CCDC7: variants seen among roughly 807,000 people sequenced by gnomAD.
CCDC7 encodes the protein coiled-coil domain containing 7.
In CCDC7, 183 loss-of-function variants were observed where a neutral mutation model predicts 196.9. The ratio of observed to expected loss-of-function variants is 0.93; its 90% confidence interval spans 0.82 to 1.05. The LOEUF (loss-of-function observed/expected upper bound fraction) is 1.05, where lower values mean the gene tolerates loss of function less well. Among genes scored for constraint, CCDC7 ranks in the 50% least tolerant of loss-of-function variants. CCDC7 has a pLI of 0.00. For missense variants in CCDC7, 1,540 were observed against 1,482.2 expected, an observed-to-expected ratio of 1.04 and a Z score of -0.64; for synonymous variants, 525 against 484.6, an observed-to-expected ratio of 1.08 and a Z score of -1.10.
chr10:32,686,082 TA>T lies in CCDC7; in HGVS notation c.2233+4del. ...CTTCTACAGAGCAACCACTCACCAG[TA>T]AGTATAAAAATTACACATAACTTTA... On this transcript the variant is annotated splice_donor_region_variant and intron_variant, in intron 22 of 41. Transcript: ENST00000639629. 1 of 1,350,796 alleles carries T rather than the reference TA, an allele frequency of 7.4e-7. No individual in the cohort carries two copies. Among genetic ancestry groups the T allele is most frequent in the Non-Finnish European group, 1.0e-6 (1 of 969,950 alleles). The allele number at this position is 1,350,796 out of a possible 1,614,324, so 83.7% of individuals were successfully genotyped here.
intron 20 of CCDC7, among the ~76,000 whole-genome samples, chr10:32,636,414 T>A (rs1290741774): frequency 6.6e-6 from 1 of 152,178 alleles, no homozygotes; most frequent in Non-Finnish European, 1.5e-5. Context: ...TTGTGTGATG[T>A]TCCCCTTCCT....
intron 28 of CCDC7, among the ~76,000 whole-genome samples, chr10:32,740,264 G>T (rs894222683): frequency 6.6e-6 from 1 of 152,068 alleles, no homozygotes. Flanking sequence ...TCCCTTGAGT[G>T]TAGTCTTTTG....
chr10:32,847,983 T>A, intron 38 of CCDC7, 67 bp downstream of exon 39: 1 of 971,192 alleles, frequency 1.0e-6, no homozygotes, highest in Non-Finnish European at 1.6e-6. Flanking sequence ...TATGAATCTT[T>A]AATGATAACA....
chr10:32,673,667 G>GTA (rs1334029954), intron 21 of CCDC7, among the ~76,000 whole-genome samples: 1 of 151,050 alleles, frequency 6.6e-6, no homozygotes, highest in Non-Finnish European at 1.5e-5. Flanking sequence ...GTGTGTGTGT[G>GTA]TGTGTGTGTG....
chr10:32,702,426 T>C (rs948967266), intron 24 of CCDC7, among the ~76,000 whole-genome samples: 1 of 152,138 alleles, frequency 6.6e-6, no homozygotes, highest in Non-Finnish European at 1.5e-5. Context: ...TGCTGAGGAG[T>C]GCTTTACTTC....
chr10:32,496,268 C>T (rs2042902480), intron 9 of CCDC7, among the ~76,000 whole-genome samples: 1 of 152,126 alleles, frequency 6.6e-6, no homozygotes, highest in African/African-American at 2.4e-5. Flanking sequence ...AATTGCTCAG[C>T]TTAAGGAGAT....
upstream of CCDC7, chr10:32,451,634 A>C (rs1300273653): frequency 6.4e-7 from 1 of 1,565,648 alleles, no homozygotes; most frequent in South Asian, 1.2e-5. Context: ...AAGCCAAGTC[A>C]GTAACAAAAT....
rs567276351 is a variant in CCDC7, at chr10:32,735,403, G to A, written c.2905+5946G>A. 1.5e-3 allele frequency among the ~76,000 whole-genome samples: 228 copies of A among 152,264 alleles called. 2 individuals are homozygous for A. The highest frequency in any genetic ancestry group is 5.2e-3 in the African/African-American group (217 of 41,552). ...TTTTAGCCATTCTGATAGGTTTGTA[G>A]TGGCATGTAGTGGCATCTCAATGTA... On this transcript the variant is annotated intron_variant, in intron 28 of 41. Coordinates refer to ENST00000639629, the Ensembl canonical transcript of CCDC7.
At chr10:32,561,850 G>A (rs1296552348) in intron 13 of CCDC7, among the ~76,000 whole-genome samples, 17 of 151,994 alleles carry the variant, frequency 1.1e-4, no homozygotes, top group Non-Finnish European at 2.4e-4. Flanking sequence ...CAAAAAATTA[G>A]TGAATCCAGG....
Position 32,851,788 on chromosome 10 carries a change from ATT to A in CCDC7, c.3896-16_3896-15del. On this transcript the variant is annotated splice_polypyrimidine_tract_variant and intron_variant, in intron 39 of 41. Coordinates refer to ENST00000639629, the Ensembl canonical transcript of CCDC7. ...ATGTCATCTATTGTATGGCTAACAT[ATT>A]TTCCAAATTTTTCTAGAGGAAACTT... The A allele has an allele frequency of 6.2e-7, 1 of 1,605,456 alleles. No individual in the cohort carries two copies. The highest frequency in any genetic ancestry group is 8.5e-7 in the Non-Finnish European group (1 of 1,175,514).
downstream of CCDC7, among the ~76,000 whole-genome samples, chr10:32,881,318 G>A (rs576603565): frequency 4.3e-4 from 66 of 152,282 alleles, no homozygotes; most frequent in African/African-American, 1.4e-3. Context: ...ATGTCAATGA[G>A]CACTGGGGTG....
chr10:32,518,384 T>A (rs759769974), intron 10 of CCDC7, 32 bp from the exon 12 acceptor site: 1 of 1,545,070 alleles, frequency 6.5e-7, no homozygotes, highest in Non-Finnish European at 8.7e-7. Context: ...AGAGTTTTAC[T>A]CTTCATTATT....
intron 8 of CCDC7, among the ~76,000 whole-genome samples, chr10:32,488,579 C>T (rs901093460): frequency 1.4e-4 from 22 of 152,314 alleles, no homozygotes; most frequent in Non-Finnish European, 1.9e-4. Context: ...GCGTCGCTCA[C>T]GCTGGGAGCT....
At chr10:32,873,362 T>C (rs1026748586) in intron 41 of CCDC7, among the ~76,000 whole-genome samples, 3 of 152,096 alleles carry the variant, frequency 2.0e-5, no homozygotes, top group African/African-American at 7.2e-5. Context: ...CACATAGTTC[T>C]CGTGCCATGG....
rs573244087 is a variant in CCDC7 at position 32,755,169 on chromosome 10, C to T, written c.2906-23808C>T. 9.8e-5 allele frequency among the ~76,000 whole-genome samples: 15 copies of T among 152,312 alleles called. No homozygotes were observed. The South Asian group carries it at 1.9e-3, about 19-fold the overall frequency. On this transcript the variant is annotated intron_variant, in intron 28 of 41. Transcript: ENST00000639629. ...ACAGCTCAAGGAGGCTTGCCTGCCTCTGTAGACTCCACCTCTGGGGGCAGG... is the reference window on the plus strand; with the variant it reads ...ACAGCTCAAGGAGGCTTGCCTGCCTTTGTAGACTCCACCTCTGGGGGCAGG...
intron 32 of CCDC7, among the ~76,000 whole-genome samples, chr10:32,826,101 G>A (rs1262922239): frequency 2.0e-5 from 3 of 152,246 alleles, no homozygotes; most frequent in African/African-American, 7.2e-5. Flanking sequence ...TGAGGCAGTT[G>A]CCAGGCAAGA....
At chr10:32,775,247 G>A (rs756096754) in intron 28 of CCDC7, among the ~76,000 whole-genome samples, 2 of 152,132 alleles carry the variant, frequency 1.3e-5, no homozygotes, top group Non-Finnish European at 2.9e-5. Context: ...ATTCTCCAAA[G>A]CCTTGTGCCA....
chr10:32,552,145 A>G (rs2053579695), intron 13 of CCDC7, among the ~76,000 whole-genome samples: 1 of 152,214 alleles, frequency 6.6e-6, no homozygotes, highest in Non-Finnish European at 1.5e-5. Context: ...TTTCACCATT[A>G]CAAAATATCC....
intron 11 of CCDC7, among the ~76,000 whole-genome samples, chr10:32,525,910 G>C (rs1315979681): frequency 6.6e-6 from 1 of 152,142 alleles, no homozygotes; most frequent in Non-Finnish European, 1.5e-5. Context: ...GGGGTGTGTT[G>C]TGCAAGCACC....
Sources: allele counts gnomAD v4.1 joint callset (sites outside exome capture counted in the v4.1 genomes callset), GRCh38; gene constraint gnomAD v4.1.1; transcripts MANE v1.5; gene names NCBI Gene and HGNC (gene_info 2026-07-23, HGNC 2026-07-21).